Variants in NCAM1 observed in about 807,000 individuals in gnomAD.
NCAM1 encodes antigen recognized by monoclonal antibody 5.1H11.
Under a neutral mutation model 109.8 loss-of-function variants are expected in NCAM1, and 14 were observed. The ratio of observed to expected loss-of-function variants is 0.13; its 90% confidence interval spans 0.08 to 0.20. NCAM1 has a LOEUF of 0.20. NCAM1 is among the 10% of genes least tolerant of loss of function. The pLI is 1.00. For missense variants in NCAM1, 774 were observed against 1,109.9 expected (o/e 0.70, Z 4.30); for synonymous variants, 418 against 442.9 (o/e 0.94, Z 0.70).
intron 1 of NCAM1, among the ~76,000 whole-genome samples, chr11:113,102,842 A>C (rs1366164548): frequency 6.6e-6 from 1 of 152,210 alleles, no homozygotes; most frequent in African/African-American, 2.4e-5. Context: ...GAGCTTGTAA[A>C]TCTTTTAATT....
intron 1 of NCAM1, among the ~76,000 whole-genome samples, chr11:113,144,904 A>T (rs908102989): frequency 3.3e-5 from 5 of 152,240 alleles, no homozygotes; most frequent in African/African-American, 7.2e-5. Flanking sequence ...TGGCAATTTC[A>T]TTCAGGGTGG....
intron 1 of NCAM1, among the ~76,000 whole-genome samples, chr11:113,069,187 A>G (rs556574897): frequency 5.9e-5 from 9 of 152,244 alleles, no homozygotes; most frequent in African/African-American, 2.2e-4. Flanking sequence ...AAGTGTCCCA[A>G]GGAAGGACAG....
intron 1 of NCAM1, among the ~76,000 whole-genome samples, chr11:112,991,058 G>A (rs570665874): frequency 1.3e-5 from 2 of 152,200 alleles, no homozygotes; most frequent in Admixed American, 1.3e-4. Flanking sequence ...TTTTCTGCAC[G>A]TGTTTTGCCA....
chr11:113,203,736 T>C (rs1161135671), intron 2 of NCAM1, among the ~76,000 whole-genome samples: 2 of 152,242 alleles, frequency 1.3e-5, no homozygotes, highest in Non-Finnish European at 2.9e-5. Flanking sequence ...TGCCAGTTTG[T>C]GCAGGCAGAT....
chr11:113,094,877 G>A (rs1408901130), intron 1 of NCAM1, among the ~76,000 whole-genome samples: 2 of 152,112 alleles, frequency 1.3e-5, no homozygotes, highest in Admixed American at 6.6e-5. Flanking sequence ...AATGTCGAAA[G>A]GAAAATCTTT....
At chr11:113,141,210 G>A (rs1450925991) in intron 1 of NCAM1, among the ~76,000 whole-genome samples, 1 of 152,208 alleles carries the variant, frequency 6.6e-6, no homozygotes, top group Non-Finnish European at 1.5e-5. Flanking sequence ...AAACAGATGA[G>A]AGAAGGCCCT....
chr11:113,056,777 C>CAGCTA lies in NCAM1; in HGVS notation c.52+95118_52+95122dup, dbSNP rs781980311. Among the ~76,000 whole-genome samples, 3 of 152,254 alleles carry CAGCTA rather than the reference C, an allele frequency of 2.0e-5. No individual in the cohort carries two copies. In the East Asian group the frequency reaches 5.8e-4, roughly 29 times the overall value. On this transcript the variant is annotated intron_variant, in intron 1 of 19. Transcript: ENST00000316851. ...TTGCGAGACCCTGAAACTGAAGACC[C>CAGCTA]AGCTAAGCTGTGTTTGGATTACTGA...
At chr11:113,009,179 C>T (rs575924368) in intron 1 of NCAM1, among the ~76,000 whole-genome samples, 9 of 152,078 alleles carry the variant, frequency 5.9e-5, no homozygotes, top group African/African-American at 2.2e-4. Context: ...ATAGGACAGA[C>T]TCATGTAGGA....
At chr11:113,265,668 C>T (rs782209096) in intron 17 of NCAM1, among the ~76,000 whole-genome samples, 4 of 152,164 alleles carry the variant, frequency 2.6e-5, no homozygotes, top group Non-Finnish European at 5.9e-5. Context: ...TGAGACCAGC[C>T]ATCTGTTTAG....
In NCAM1 at chr11:113,041,088, TAC is replaced by T. The variant is rs535745193; in HGVS notation, c.52+79426_52+79427del. 1.0e-3 allele frequency: 156 copies of T among 152,364 alleles called. 1 individual carries two copies. Among genetic ancestry groups the T allele is most frequent in the African/African-American group, 3.5e-3 (147 of 41,596 alleles). The allele number at this position is 152,364 out of a possible 1,614,324, so 9.4% of individuals were successfully genotyped here. On this transcript the variant is annotated intron_variant, in intron 1 of 19. Transcript: ENST00000316851. ...TTCAGCTACAAGGAAATGTCATTGG[TAC>T]AGAGTATAAGTGGAGATAGATTCCA... is the stretch of plus-strand genomic sequence containing the variant.
At chr11:113,234,610 T>C (rs1322811713) in intron 13 of NCAM1, among the ~76,000 whole-genome samples, 1 of 152,262 alleles carries the variant, frequency 6.6e-6, no homozygotes, top group South Asian at 2.1e-4. Flanking sequence ...ATCCATGTTG[T>C]AGCATGTGTC....
chr11:113,085,761 C>T (rs1490000579), intron 1 of NCAM1, among the ~76,000 whole-genome samples: 17 of 152,206 alleles, frequency 1.1e-4, no homozygotes, highest in Admixed American at 9.2e-4. Context: ...CACTCTTTAT[C>T]ATCCTGCAGC....
chr11:113,001,809 A>C (rs1025348159), intron 1 of NCAM1, among the ~76,000 whole-genome samples: 11 of 152,194 alleles, frequency 7.2e-5, no homozygotes, highest in Non-Finnish European at 2.9e-5. Context: ...TAGATAAAAA[A>C]AAAACTCCAG....
intron 16 of NCAM1, among the ~76,000 whole-genome samples, chr11:113,258,832 A>G (rs943546562): frequency 1.1e-4 from 16 of 152,212 alleles, no homozygotes; most frequent in African/African-American, 3.9e-4. Flanking sequence ...AAAAAAAAGG[A>G]AAGATCATAG....
chr11:113,150,049 G>T (rs1250850315), intron 1 of NCAM1, among the ~76,000 whole-genome samples: 4 of 152,110 alleles, frequency 2.6e-5, no homozygotes, highest in Non-Finnish European at 5.9e-5. Context: ...AGGCAGCAGT[G>T]TACTCCATTT....
chr11:113,021,330 A>G (rs1460387741), intron 1 of NCAM1, among the ~76,000 whole-genome samples: 1 of 152,222 alleles, frequency 6.6e-6, no homozygotes, highest in Non-Finnish European at 1.5e-5. Flanking sequence ...GAATGGAATC[A>G]GTTGTTAGGA....
chr11:113,202,344 T>TTTGTTTTGTTTTG, intron 1 of NCAM1, 35 bp from the exon 2 acceptor site: 1 of 1,522,248 alleles, frequency 6.6e-7, no homozygotes, highest in South Asian at 1.2e-5. Context: ...TTTTTTTTGT[T>TTTGTTTTGTTTTG]TTTTGTTTTG....
chr11:113,039,999 G>A (rs1953018105), intron 1 of NCAM1, among the ~76,000 whole-genome samples: 1 of 152,064 alleles, frequency 6.6e-6, no homozygotes, highest in African/African-American at 2.4e-5. Flanking sequence ...AACTTATCCG[G>A]GCGTGGTGGC....
At chr11:113,102,991 G>A (rs1012136538) in intron 1 of NCAM1, among the ~76,000 whole-genome samples, 2 of 43,376 alleles carry the variant, frequency 4.6e-5, no homozygotes, top group Non-Finnish European at 7.7e-5. Context: ...TTACAGACAT[G>A]TTTCTGCGTG....
Sources: gnomAD v4.1 joint callset for allele counts (sites outside exome capture counted in the v4.1 genomes callset) on GRCh38, gnomAD v4.1.1 for gene constraint, MANE v1.5 for transcripts, NCBI Gene and HGNC (gene_info 2026-07-23, HGNC 2026-07-21) for gene names.